IARS1: variants seen among roughly 807,000 people sequenced by gnomAD.
IARS1 encodes isoleucyl-tRNA synthetase 1, also known as isoleucine--tRNA ligase, cytoplasmic.
Under a neutral mutation model 168.2 loss-of-function variants are expected in IARS1, and 124 were observed. The observed-to-expected ratio is 0.74, with a 90% CI of 0.64 to 0.86. The LOEUF (loss-of-function observed/expected upper bound fraction) is 0.86. IARS1 is among the 40% of genes least tolerant of loss of function. IARS1 has a pLI of 0.00. For missense variants in IARS1, 1,452 were observed against 1,515.8 expected (o/e 0.96, Z 0.70); for synonymous variants, 532 against 529.4 (o/e 1.00, Z -0.07).
At chr9:92,231,849 G>C (rs1826758106) in intron 30 of IARS1, among the ~76,000 whole-genome samples, 3 of 152,124 alleles carry the variant, frequency 2.0e-5, no homozygotes, top group Admixed American at 6.5e-5. Flanking sequence ...CAGCAATATA[G>C]AAACCAACAC....
At chr9:92,251,436 A>AT (rs1046652365) in intron 22 of IARS1, among the ~76,000 whole-genome samples, 1 of 151,972 alleles carries the variant, frequency 6.6e-6, no homozygotes, top group Non-Finnish European at 1.5e-5. Flanking sequence ...ATTTTTTGTG[A>AT]TATATATATA....
intron 33 of IARS1, among the ~76,000 whole-genome samples, chr9:92,219,588 C>G (rs1839338609): frequency 6.6e-6 from 1 of 151,580 alleles, no homozygotes; most frequent in Non-Finnish European, 1.5e-5. Context: ...ACAAACAACC[C>G]CATCAAAAAG....
intron 20 of IARS1, among the ~76,000 whole-genome samples, chr9:92,254,452 C>A (rs1830442405): frequency 6.6e-6 from 1 of 152,192 alleles, no homozygotes; most frequent in Admixed American, 6.5e-5. Context: ...CTGGTCTAAG[C>A]TAAGAGACGA....
intron 6 of IARS1, among the ~76,000 whole-genome samples, chr9:92,283,166 G>A (rs187608960): frequency 3.9e-5 from 6 of 152,292 alleles, no homozygotes; most frequent in Admixed American, 2.6e-4. Flanking sequence ...TATACAGACC[G>A]CGTAGAATAG....
At chr9:92,255,275 G>C (rs1830559529) in intron 20 of IARS1, among the ~76,000 whole-genome samples, 1 of 152,222 alleles carries the variant, frequency 6.6e-6, no homozygotes, top group African/African-American at 2.4e-5. Flanking sequence ...CCCGTATCTA[G>C]GCTAATGGTG....
chr9:92,241,563 C>CG (rs1828402566), intron 29 of IARS1, among the ~76,000 whole-genome samples: 1 of 152,070 alleles, frequency 6.6e-6, no homozygotes, highest in African/African-American at 2.4e-5. Context: ...GCTGGTCTCG[C>CG]ACTCTTGACC....
chr9:92,285,802 A>T lies in IARS1; in HGVS notation c.517T>A (p.Tyr173Asn). Residue 173 changes from tyrosine (Y) to asparagine (N), a missense_variant, in exon 6 of 34, where the codon TAT (tyrosine) becomes AAT (asparagine). By Grantham distance (143) the Tyr-to-Asn change is moderately radical. Coordinates refer to ENST00000443024, the MANE Select transcript of IARS1 (RefSeq NM_002161.6). ...FKQLYDKGLVYRGVKVMPFST... is the reference protein window; with the variant it reads ...FKQLYDKGLVNRGVKVMPFST... Reference sequence around the variant, plus strand: ...AAGGGCATGACTTTCACACCTCTATAAACAAGGCCTTTATCATAGAGTTGT... The same window carrying T: ...AAGGGCATGACTTTCACACCTCTATTAACAAGGCCTTTATCATAGAGTTGT... The T allele has an allele frequency of 6.2e-7, 1 of 1,612,862 alleles. No homozygotes were observed. Among genetic ancestry groups the T allele is most frequent in the Non-Finnish European group, 8.5e-7 (1 of 1,178,896 alleles).
At chr9:92,279,418 T>C (rs151103265) in intron 7 of IARS1, among the ~76,000 whole-genome samples, 304 of 152,294 alleles carry the variant, frequency 2.0e-3, no homozygotes, top group African/African-American at 7.0e-3. Context: ...CATAGGGAAA[T>C]TGTGCAGATG....
chr9:92,248,499 C>A (rs1829546460), intron 25 of IARS1, among the ~76,000 whole-genome samples: 1 of 151,232 alleles, frequency 6.6e-6, no homozygotes, highest in South Asian at 2.1e-4. Flanking sequence ...ATGGCAAAAC[C>A]CCATCTCTAC....
chr9:92,224,096 T>C (rs1409141986), intron 31 of IARS1, among the ~76,000 whole-genome samples: 2 of 152,218 alleles, frequency 1.3e-5, no homozygotes, highest in Non-Finnish European at 2.9e-5. Flanking sequence ...AGTGGCTAGA[T>C]GCTCATGCTC....
At chr9:92,274,328 C>T (rs1413236001) in intron 10 of IARS1, 98 bp downstream of exon 10, 11 of 892,396 alleles carry the variant, frequency 1.2e-5, no homozygotes, top group Non-Finnish European at 2.0e-5. Flanking sequence ...GAAAAGAGGC[C>T]AACCTGGTAA....
chr9:92,278,054 G>A, intron 8 of IARS1, 131 bp from the exon 9 acceptor site: 4 of 1,037,572 alleles, frequency 3.9e-6, no homozygotes, highest in East Asian at 2.4e-5. Flanking sequence ...ATGTGTGACT[G>A]CAAAGTACTT....
chr9:92,248,493 C>T (rs551995899), intron 25 of IARS1, among the ~76,000 whole-genome samples: 14 of 151,254 alleles, frequency 9.3e-5, no homozygotes, highest in African/African-American at 2.9e-4. Context: ...GGCAACATGG[C>T]AAAACCCCAT....
Position 92,271,661 on chromosome 9 carries a change from A to G in IARS1, c.991-6T>C. 2 of 1,613,852 alleles carry G rather than the reference A, an allele frequency of 1.2e-6. No homozygotes were observed. The highest frequency in any genetic ancestry group is 1.7e-6 in the Non-Finnish European group (2 of 1,179,754). On this transcript the variant is annotated splice_polypyrimidine_tract_variant and splice_region_variant and intron_variant, in intron 10 of 33. Transcript: ENST00000443024. Reference sequence around the variant, plus strand: ...ATACAGACCCGATAGTCCTCCTGAGAAAAGGCAAAAGAGAGGGAAGAATAA... The same window carrying G: ...ATACAGACCCGATAGTCCTCCTGAGGAAAGGCAAAAGAGAGGGAAGAATAA...
chr9:92,250,411 G>T, intron 23 of IARS1, 122 bp from the exon 24 acceptor site: 1 of 713,404 alleles, frequency 1.4e-6, no homozygotes, highest in South Asian at 1.7e-5. Flanking sequence ...CCCTCCTGGT[G>T]AAGCACTGGG....
intron 30 of IARS1, among the ~76,000 whole-genome samples, chr9:92,234,517 T>C (rs991130073): frequency 6.6e-6 from 1 of 152,156 alleles, no homozygotes; most frequent in Non-Finnish European, 1.5e-5. Context: ...CTGGAGTTGG[T>C]AGATGGGAAA....
At chr9:92,223,851 G>A (rs1825204849) in intron 31 of IARS1, among the ~76,000 whole-genome samples, 4 of 152,168 alleles carry the variant, frequency 2.6e-5, no homozygotes, top group Admixed American at 2.6e-4. Flanking sequence ...ACAGTCAGAA[G>A]ATGTTATTTG....
chr9:92,249,701 G>A (rs1024153356), intron 25 of IARS1, among the ~76,000 whole-genome samples, 157 bp downstream of exon 25: 10 of 152,132 alleles, frequency 6.6e-5, no homozygotes, highest in Admixed American at 5.2e-4. Context: ...ACAAATTTAT[G>A]TTGATTCCAA....
At position 92,222,619 on chromosome 9, in the gene IARS1, T is replaced by A. The variant is rs377483877; in HGVS notation, c.3607A>T (p.Asn1203Tyr). Residue 1203 changes from asparagine (N) to tyrosine (Y), a missense_variant, in exon 33 of 34, where the codon AAT becomes TAT. By Grantham distance (143) the Asn-to-Tyr change is moderately radical. Transcript: ENST00000443024. Reference protein sequence around the residue: ...TLLLENPLGQNGLTHQGLLYE... With the variant: ...TLLLENPLGQYGLTHQGLLYE... ...AGAAGACCTTGGTGGGTGAGTCCAT[T>A]CTGCCCAAGTGGGTTTTCAAGCAGG... The A allele has an allele frequency of 6.2e-7, 1 of 1,614,018 alleles. No homozygotes were observed. Among genetic ancestry groups the A allele is most frequent in the African/African-American group, 1.3e-5 (1 of 75,004 alleles).
Sources: gnomAD v4.1 joint callset for allele counts (sites outside exome capture counted in the v4.1 genomes callset) on GRCh38, gnomAD v4.1.1 for gene constraint, MANE v1.5 for transcripts, NCBI Gene and HGNC (gene_info 2026-07-23, HGNC 2026-07-21) for gene names.